The following ANOS1 variants were observed in gnomAD, a reference collection of about 807,000 sequenced individuals.
The protein encoded by ANOS1 is anosmin 1, also known as anosmin-1.
ANOS1 carries 6 observed loss-of-function variants against 59.0 expected under a neutral mutation model. That is an observed-to-expected ratio of 0.10 (90% CI 0.06 to 0.20). The LOEUF is 0.20. ANOS1 is among the 10% of genes least tolerant of loss of function. ANOS1 has a pLI of 1.00. For synonymous variants in ANOS1, 217 were observed against 223.4 expected, an observed-to-expected ratio of 0.97 and a Z score of 0.25; for missense variants, 433 against 542.3, an observed-to-expected ratio of 0.80 and a Z score of 2.00.
In ANOS1 at chrX:8,612,553, T is replaced by G. The variant is rs1439334608; in HGVS notation, c.318+11055A>C. Among the ~76,000 whole-genome samples the G allele has an allele frequency of 8.2e-3, 851 of 103,551 alleles. 16 individuals are homozygous for G. The highest frequency in any genetic ancestry group is 0.027 in the African/African-American group (773 of 28,887). The allele number at this position is 103,551 out of a possible 115,157, so 89.9% of individuals were successfully genotyped here. The stretch of plus-strand genomic sequence containing the variant: ...AAAGAAAAACAATAAAACAAGAAGT[T>G]TTTTTTTTTTTTTTTAAAGAAGCAC... On this transcript the variant is annotated intron_variant, in intron 3 of 13. Coordinates refer to ENST00000262648, the MANE Select transcript of ANOS1 (RefSeq NM_000216.4).
In ANOS1 at chrX:8,701,017, T is replaced by A. The variant is rs1284019819; in HGVS notation, c.208-1272A>T. 2.7e-5 allele frequency among the ~76,000 whole-genome samples: 3 copies of A among 111,105 alleles called. No homozygotes were observed. The East Asian group carries it at 8.5e-4, about 31-fold the overall frequency. On this transcript the variant is annotated intron_variant, in intron 1 of 13. Transcript: ENST00000262648. ...AGAGGAAAACTCCATCTCAAAAAAA[T>A]AAATAAATAAATAAAATTGTACTAT...
intron 2 of ANOS1, among the ~76,000 whole-genome samples, chrX:8,664,475 G>C (rs1364788240): frequency 9.1e-6 from 1 of 110,317 alleles, no homozygotes; most frequent in Non-Finnish European, 1.9e-5. Flanking sequence ...TTACAGGTGT[G>C]AGCCACCGCC....
intron 2 of ANOS1, among the ~76,000 whole-genome samples, chrX:8,640,342 G>A (rs1931639861): frequency 9.0e-6 from 1 of 110,968 alleles, no homozygotes; most frequent in Non-Finnish European, 1.9e-5. Flanking sequence ...AGCGGGAAGA[G>A]GAGAGACAGT....
At chrX:8,657,626 G>A (rs1052416440) in intron 2 of ANOS1, among the ~76,000 whole-genome samples, 3 of 109,481 alleles carry the variant, frequency 2.7e-5, no homozygotes, top group African/African-American at 1.0e-4. Flanking sequence ...GTGCCACCAC[G>A]CCAAACAGAT....
chrX:8,647,604 G>A (rs1361289943), intron 2 of ANOS1, among the ~76,000 whole-genome samples: 1 of 112,117 alleles, frequency 8.9e-6, no homozygotes, highest in African/African-American at 3.2e-5. Flanking sequence ...AAACTGCTTT[G>A]AAGCATATTT....
intron 2 of ANOS1, among the ~76,000 whole-genome samples, chrX:8,688,702 T>C (rs1002092230): frequency 8.9e-6 from 1 of 112,259 alleles, no homozygotes; most frequent in African/African-American, 3.2e-5. Context: ...CACTGAGCTA[T>C]TAACTTGTCA....
Position 8,705,757 on chromosome X carries a change from T to C in ANOS1, c.208-6012A>G, listed in dbSNP as rs148011651. Among the ~76,000 whole-genome samples the C allele has an allele frequency of 4.4e-5, 5 of 112,774 alleles. No individual in the cohort carries two copies. The East Asian group carries it at 1.4e-3, about 31-fold the overall frequency. ...CAGTTAAGCCATTTGACAACAAAGA[T>C]AAAATAACAGTATTTGCAATAAAGT... is the stretch of plus-strand genomic sequence containing the variant. On this transcript the variant is annotated intron_variant, in intron 1 of 13. Coordinates refer to ENST00000262648, the MANE Select transcript of ANOS1 (RefSeq NM_000216.4).
intron 4 of ANOS1, among the ~76,000 whole-genome samples, chrX:8,589,952 A>G (rs1447001660): frequency 1.8e-5 from 2 of 112,146 alleles, no homozygotes; most frequent in African/African-American, 3.2e-5. Flanking sequence ...GTCTTACTGC[A>G]TAGTACATTT....
intron 2 of ANOS1, among the ~76,000 whole-genome samples, chrX:8,689,098 G>T (rs866733908): frequency 9.0e-6 from 1 of 111,555 alleles, no homozygotes; most frequent in Admixed American, 9.5e-5. Context: ...CCATCCACCT[G>T]CATTATCACT....
chrX:8,673,977 G>C (rs1380647462), intron 2 of ANOS1, among the ~76,000 whole-genome samples: 1 of 111,032 alleles, frequency 9.0e-6, no homozygotes, highest in Non-Finnish European at 1.9e-5. Flanking sequence ...TCCCAGATTT[G>C]CTTTACTGTC....
intron 3 of ANOS1, among the ~76,000 whole-genome samples, chrX:8,619,334 G>A (rs758156470): frequency 9.0e-6 from 1 of 111,579 alleles, no homozygotes; most frequent in Non-Finnish European, 1.9e-5. Flanking sequence ...GGCCGGGCAA[G>A]GTGGCTCACG....
intron 2 of ANOS1, among the ~76,000 whole-genome samples, chrX:8,657,190 T>C (rs1424891045): frequency 1.8e-5 from 2 of 112,507 alleles, no homozygotes; most frequent in East Asian, 5.6e-4. Flanking sequence ...GTGGGTGATA[T>C]TTCGTGCATC....
chrX:8,593,431 CACTTTAAT>C (rs1179153897), intron 4 of ANOS1, among the ~76,000 whole-genome samples: 1 of 111,978 alleles, frequency 8.9e-6, no homozygotes, highest in Non-Finnish European at 1.9e-5. Context: ...CACTATGCAA[CACTTTAAT>C]ACATAAAAAA....
intron 3 of ANOS1, among the ~76,000 whole-genome samples, chrX:8,617,337 A>G (rs1294522649): frequency 2.7e-5 from 3 of 112,283 alleles, no homozygotes; most frequent in Admixed American, 9.4e-5. Flanking sequence ...AGAGATAAAA[A>G]GTTTTGAGTG....
chrX:8,623,907 C>T (rs552175041), intron 2 of ANOS1, among the ~76,000 whole-genome samples: 5 of 111,007 alleles, frequency 4.5e-5, no homozygotes, highest in African/African-American at 1.3e-4. Context: ...AAAGTTACAG[C>T]GCCCGGCAGT....
At chrX:8,608,954 C>G (rs759715255) in intron 3 of ANOS1, among the ~76,000 whole-genome samples, 1 of 112,444 alleles carries the variant, frequency 8.9e-6, no homozygotes, top group Non-Finnish European at 1.9e-5. Flanking sequence ...ATAAATTACC[C>G]AGTCTCTGGC....
At chrX:8,609,510 G>A (rs956547416) in intron 3 of ANOS1, among the ~76,000 whole-genome samples, 1 of 111,614 alleles carries the variant, frequency 9.0e-6, no homozygotes, top group African/African-American at 3.3e-5. Context: ...TATTACGAGG[G>A]TATTTTAAGA....
At position 8,534,475 on chromosome X, in the gene ANOS1, T is replaced by TAA; in HGVS notation, c.1843-17_1843-16dup. On this transcript the variant is annotated splice_polypyrimidine_tract_variant and intron_variant, in intron 12 of 13. Transcript: ENST00000262648. ...ACATAATGATCCTAAGGGGACAACA[T>TAA]AAAAGAGCATGCTCACCGACAACCT... 8.3e-7 allele frequency: 1 copy of TAA among 1,206,556 alleles called. No individual in the cohort carries two copies. Among genetic ancestry groups the TAA allele is most frequent in the African/African-American group, 1.7e-5 (1 of 57,675 alleles).
At chrX:8,644,106 A>T (rs1392271067) in intron 2 of ANOS1, among the ~76,000 whole-genome samples, 2 of 111,929 alleles carry the variant, frequency 1.8e-5, no homozygotes, top group Non-Finnish European at 3.8e-5. Flanking sequence ...CTCAGAATAA[A>T]TCTCTTCAAA....
Sources: allele counts gnomAD v4.1 joint callset (sites outside exome capture counted in the v4.1 genomes callset), GRCh38; gene constraint gnomAD v4.1.1; transcripts MANE v1.5; gene names NCBI Gene and HGNC (gene_info 2026-07-23, HGNC 2026-07-21).